The following ERC2 variants were observed in gnomAD, a reference collection of about 807,000 sequenced individuals.
The protein encoded by ERC2 is ELKS/RAB6-interacting/CAST family member 2.
Under a neutral mutation model 114.8 loss-of-function variants are expected in ERC2, and 42 were observed. The ratio of observed to expected loss-of-function variants is 0.37; its 90% CI spans 0.29 to 0.47. The LOEUF is 0.47. Among genes scored for constraint, ERC2 ranks in the 20% least tolerant of loss-of-function variants. ERC2 has a pLI of 0.99. For synonymous variants in ERC2, 454 were observed against 425.5 expected (o/e 1.07, Z -0.82); for missense variants, 939 against 1,150.7 (o/e 0.82, Z 2.66).
At chr3:56,131,957 T>C (rs2080227986) in intron 6 of ERC2, among the ~76,000 whole-genome samples, 1 of 152,340 alleles carries the variant, frequency 6.6e-6, no homozygotes, top group African/African-American at 2.4e-5. Context: ...CATAAATATG[T>C]ACAATTATTA....
At chr3:56,074,947 A>G (rs1204627251) in intron 7 of ERC2, among the ~76,000 whole-genome samples, 1 of 152,184 alleles carries the variant, frequency 6.6e-6, no homozygotes, top group Admixed American at 6.5e-5. Context: ...CTCAATGCAC[A>G]TTGATCAAGG....
intron 17 of ERC2, among the ~76,000 whole-genome samples, chr3:55,634,271 A>C (rs1422500848): frequency 1.3e-5 from 2 of 152,192 alleles, no homozygotes; most frequent in Admixed American, 6.5e-5. Context: ...TTATGTATCC[A>C]TGCATTCCCC....
At chr3:56,001,050 C>G (rs901484686) in intron 10 of ERC2, among the ~76,000 whole-genome samples, 3 of 149,622 alleles carry the variant, frequency 2.0e-5, no homozygotes, top group African/African-American at 7.4e-5. Flanking sequence ...AATAGAAACC[C>G]AAATAAACAC....
chr3:56,075,939 C>T (rs1349893358), intron 7 of ERC2, among the ~76,000 whole-genome samples: 3 of 151,792 alleles, frequency 2.0e-5, no homozygotes, highest in Non-Finnish European at 4.4e-5. Flanking sequence ...TTTTTTTTTC[C>T]AGAAGAAACT....
In ERC2 at chr3:55,699,384, C is replaced by T. The variant is rs745648408; in HGVS notation, c.2841G>A (p.Pro947=). 2.4e-5 allele frequency: 39 copies of T among 1,613,378 alleles called. No individual in the cohort carries two copies. In the South Asian group the frequency reaches 2.5e-4, roughly 10 times the overall value. The change falls in exon 16 of 18, where the codon CCG becomes CCA. Residue 947 remains proline, a synonymous_variant. Coordinates refer to ENST00000288221, the MANE Select transcript of ERC2 (RefSeq NM_015576.3). ...AAGCAGCGATGAAACTGACCTGGTC[C>T]GGAGAGGGCCTGTGATTGGAATGTT... ...RSQHSNHRPS[P]DQDDEEGIWA
At chr3:55,946,831 A>G (rs1449837215) in intron 13 of ERC2, among the ~76,000 whole-genome samples, 3 of 152,226 alleles carry the variant, frequency 2.0e-5, no homozygotes, top group Non-Finnish European at 2.9e-5. Context: ...TCCTGTAGAT[A>G]GTGGTGATTT....
At chr3:55,725,552 C>T (rs548969440) in intron 15 of ERC2, among the ~76,000 whole-genome samples, 1 of 152,274 alleles carries the variant, frequency 6.6e-6, no homozygotes, top group African/African-American at 2.4e-5. Flanking sequence ...CTTTCATGAG[C>T]TAGTATCTAT....
At chr3:55,768,880 T>G (rs576706558) in intron 14 of ERC2, among the ~76,000 whole-genome samples, 1 of 152,284 alleles carries the variant, frequency 6.6e-6, no homozygotes, top group East Asian at 1.9e-4. Flanking sequence ...GAGCATGCAA[T>G]AGAGGGAACA....
intron 17 of ERC2, among the ~76,000 whole-genome samples, chr3:55,654,545 G>C (rs1330924311): frequency 6.6e-6 from 1 of 152,254 alleles, no homozygotes; most frequent in Non-Finnish European, 1.5e-5. Context: ...TGCAGAAAAC[G>C]GTTGCAGAGT....
At position 56,104,149 on chromosome 3, in the gene ERC2, C is replaced by T. The variant is rs572450879; in HGVS notation, c.1474-23165G>A. ...ATGTTACTACAGACTGCTATGTCAA[C>T]ATCTTAGTTGTTTGTTCCAGCAAAT... On this transcript the variant is annotated intron_variant, in intron 6 of 17. Transcript: ENST00000288221. 1.9e-4 allele frequency among the ~76,000 whole-genome samples: 29 copies of T among 152,080 alleles called. No individual in the cohort carries two copies. In the East Asian group the frequency reaches 4.6e-3, roughly 24 times the overall value.
chr3:55,948,896 C>G (rs898166933), intron 13 of ERC2, among the ~76,000 whole-genome samples: 4 of 152,148 alleles, frequency 2.6e-5, no homozygotes, highest in Non-Finnish European at 5.9e-5. Context: ...TTATAACAAC[C>G]ATTAGTCATG....
chr3:56,147,150 A>G (rs4974170), intron 5 of ERC2, among the ~76,000 whole-genome samples: 1 of 152,166 alleles, frequency 6.6e-6, no homozygotes. Flanking sequence ...GAGTTCACTC[A>G]TATCTGTGCC....
intron 17 of ERC2, among the ~76,000 whole-genome samples, chr3:55,681,787 C>T (rs1325511637): frequency 6.6e-6 from 1 of 152,196 alleles, no homozygotes; most frequent in African/African-American, 2.4e-5. Context: ...TTAATACAAT[C>T]GTCTGCATTT....
rs1007875787 is a variant in ERC2 at position 55,583,427 on chromosome 3, C to T, written c.*40-72151G>A. 1.1e-3 allele frequency among the ~76,000 whole-genome samples: 136 copies of T among 128,480 alleles called. 1 individual carries two copies. The highest frequency in any genetic ancestry group is 3.8e-3 in the African/African-American group (123 of 32,308). The allele number at this position is 128,480 out of a possible 152,430, so 84.3% of individuals were successfully genotyped here. A position where few individuals can be genotyped will look rare whatever the true frequency, so the allele number is the denominator to read the frequency against. On this transcript the variant is annotated intron_variant, in intron 17 of 17. Transcript: ENST00000288221. ...CCTTCCTTCCTTCCTTCCTTCCTTC[C>T]TTCCTTCCTTCCTTCCTCCCTCCCT...
chr3:56,058,203 C>T (rs2076094704), intron 7 of ERC2, among the ~76,000 whole-genome samples: 3 of 152,186 alleles, frequency 2.0e-5, no homozygotes, highest in Admixed American at 6.5e-5. Context: ...CCCATGCCTC[C>T]CCTTAACTTT....
intron 1 of ERC2, chr3:56,467,268 C>G (rs551992969): frequency 6.6e-6 from 1 of 152,368 alleles, no homozygotes; most frequent in African/African-American, 2.4e-5. Context: ...GGTCCCCATT[C>G]TACCCACGTA....
chr3:55,629,195 G>A (rs2059644393), intron 17 of ERC2, among the ~76,000 whole-genome samples: 1 of 152,110 alleles, frequency 6.6e-6, no homozygotes, highest in South Asian at 2.1e-4. Context: ...TGGAGCCACT[G>A]AGCAATAAAT....
intron 14 of ERC2, among the ~76,000 whole-genome samples, chr3:55,826,818 T>C (rs2060343208): frequency 6.6e-6 from 1 of 152,208 alleles, no homozygotes; most frequent in Non-Finnish European, 1.5e-5. Context: ...ATTTGGATAA[T>C]TCCAAAAAGA....
chr3:56,278,902 A>C (rs77301185), intron 3 of ERC2, among the ~76,000 whole-genome samples: 1,617 of 152,272 alleles, frequency 0.011, 27 homozygotes, highest in African/African-American at 0.037. Flanking sequence ...CTCATGACCC[A>C]AACACTTCCC....
Sources: gnomAD v4.1 joint callset for allele counts (sites outside exome capture counted in the v4.1 genomes callset) on GRCh38, gnomAD v4.1.1 for gene constraint, MANE v1.5 for transcripts, NCBI Gene and HGNC (gene_info 2026-07-23, HGNC 2026-07-21) for gene names.